The following JAZF1 variants were observed in gnomAD, a reference collection of about 807,000 sequenced individuals.
JAZF1 encodes the protein juxtaposed with another zinc finger protein 1.
A neutral mutation model predicts 26.4 loss-of-function variants in JAZF1; 8 were observed. The ratio of observed to expected loss-of-function variants is 0.30; its 90% CI spans 0.18 to 0.55. The LOEUF (loss-of-function observed/expected upper bound fraction) is 0.55. Ranked by LOEUF, JAZF1 falls within the 20% of genes least tolerant of loss-of-function variation. The probability of loss-of-function intolerance (pLI) is 0.94; values close to 1 mark genes in which losing one functional copy is unlikely to be tolerated. For missense variants in JAZF1, 199 were observed against 322.0 expected (o/e 0.62, Z 2.92); for synonymous variants, 126 against 122.3 (o/e 1.03, Z -0.20).
chr7:28,025,601 G>T (rs1562563012), intron 1 of JAZF1, among the ~76,000 whole-genome samples: 2 of 152,166 alleles, frequency 1.3e-5, no homozygotes, highest in East Asian at 1.9e-4. Context: ...TCTCAAGTTG[G>T]CAGTTAACGT....
intron 1 of JAZF1, among the ~76,000 whole-genome samples, chr7:28,069,492 C>T (rs1266728258): frequency 6.6e-6 from 1 of 152,138 alleles, no homozygotes; most frequent in Non-Finnish European, 1.5e-5. Context: ...CCTGCCTGCT[C>T]CCTAGCATTA....
intron 1 of JAZF1, among the ~76,000 whole-genome samples, chr7:28,096,930 G>C (rs1784396661): frequency 1.3e-5 from 2 of 152,192 alleles, no homozygotes; most frequent in African/African-American, 4.8e-5. Context: ...ACTAAGAACA[G>C]GTTGTGGAAA....
intron 2 of JAZF1, among the ~76,000 whole-genome samples, chr7:27,986,421 T>C (rs1281688259): frequency 6.6e-6 from 1 of 152,216 alleles, no homozygotes; most frequent in African/African-American, 2.4e-5. Context: ...GTGAAGGACC[T>C]CTTCAAGGAG....
intron 2 of JAZF1, among the ~76,000 whole-genome samples, chr7:27,988,388 T>G (rs2128364383): frequency 6.6e-6 from 1 of 151,898 alleles, no homozygotes; most frequent in East Asian, 1.9e-4. Context: ...TTTTTTTTTT[T>G]TTTTGAGACA....
intron 1 of JAZF1, among the ~76,000 whole-genome samples, chr7:28,095,705 G>A (rs1784372711): frequency 6.6e-6 from 1 of 152,110 alleles, no homozygotes; most frequent in Non-Finnish European, 1.5e-5. Flanking sequence ...GGTAATCATG[G>A]TCCCCTCCGC....
chr7:27,939,810 T>C (rs1439091236), intron 2 of JAZF1, among the ~76,000 whole-genome samples: 1 of 152,166 alleles, frequency 6.6e-6, no homozygotes, highest in Non-Finnish European at 1.5e-5. Flanking sequence ...AGAAACCCCT[T>C]CAGAATTCAG....
rs777748454 is a variant in JAZF1, at chr7:28,115,242, AAGAAAAGACAAGTG to A, written c.115+65207_115+65220del. ...ATTTCCTAGCAGCCACATTTAAGGT[AAGAAAAGACAAGTG>A]AAATTAATTTAATAATATGGTTTAA... On this transcript the variant is annotated intron_variant, in intron 1 of 4. Coordinates refer to ENST00000283928, the MANE Select transcript of JAZF1 (RefSeq NM_175061.4). 2.7e-4 allele frequency among the ~76,000 whole-genome samples: 41 copies of A among 152,372 alleles called. No homozygotes were observed. In the Middle Eastern group the frequency reaches 0.01, roughly 38 times the overall value.
chr7:28,076,149 G>T (rs747031464), intron 1 of JAZF1, among the ~76,000 whole-genome samples: 1 of 152,206 alleles, frequency 6.6e-6, no homozygotes, highest in Non-Finnish European at 1.5e-5. Flanking sequence ...GCTGAAGGCT[G>T]ACAGCTTCCG....
At chr7:27,844,636 T>C (rs936645121) in intron 3 of JAZF1, 7 of 152,176 alleles carry the variant, frequency 4.6e-5, no homozygotes, top group African/African-American at 4.8e-5. Context: ...AAACCACATA[T>C]GCAAAGAAGC....
intron 1 of JAZF1, among the ~76,000 whole-genome samples, chr7:28,039,964 T>G (rs572457872): frequency 6.6e-6 from 1 of 152,194 alleles, no homozygotes; most frequent in Non-Finnish European, 1.5e-5. Flanking sequence ...TTCTCTGGCA[T>G]TTTGGAATTT....
At chr7:27,922,059 T>G (rs901367466) in intron 2 of JAZF1, among the ~76,000 whole-genome samples, 2 of 152,194 alleles carry the variant, frequency 1.3e-5, no homozygotes, top group Non-Finnish European at 2.9e-5. Flanking sequence ...GAACTTAGTA[T>G]AAATTTTTAC....
intron 2 of JAZF1, among the ~76,000 whole-genome samples, chr7:27,960,194 T>C (rs549062716): frequency 6.6e-6 from 1 of 152,266 alleles, no homozygotes; most frequent in East Asian, 1.9e-4. Flanking sequence ...TGTGCTTATT[T>C]AATTGAATGG....
At chr7:28,016,972 G>A (rs1782905541) in intron 1 of JAZF1, among the ~76,000 whole-genome samples, 1 of 152,136 alleles carries the variant, frequency 6.6e-6, no homozygotes, top group Admixed American at 6.5e-5. Flanking sequence ...TATGTCAGAT[G>A]GTAACTTCCA....
intron 3 of JAZF1, among the ~76,000 whole-genome samples, chr7:27,866,947 A>G (rs1016946658): frequency 1.3e-5 from 2 of 152,170 alleles, no homozygotes; most frequent in Non-Finnish European, 2.9e-5. Context: ...GCAAGGTTGG[A>G]GATGGCCCAG....
chr7:28,121,843 G>A (rs934836207), intron 1 of JAZF1, among the ~76,000 whole-genome samples: 20 of 152,274 alleles, frequency 1.3e-4, no homozygotes, highest in African/African-American at 4.1e-4. Context: ...ATCTGCACCC[G>A]CAGTTTATAA....
chr7:27,983,279 G>A (rs1302125513), intron 2 of JAZF1, among the ~76,000 whole-genome samples: 1 of 152,180 alleles, frequency 6.6e-6, no homozygotes, highest in Non-Finnish European at 1.5e-5. Context: ...TGAAAACCAT[G>A]GCACGAGAAC....
intron 3 of JAZF1, among the ~76,000 whole-genome samples, chr7:27,850,741 C>T (rs1449241741): frequency 1.3e-5 from 2 of 152,058 alleles, no homozygotes; most frequent in African/African-American, 2.4e-5. Context: ...CAAAGAGCAG[C>T]CCTGGGCCTC....
intron 2 of JAZF1, among the ~76,000 whole-genome samples, chr7:27,982,984 T>C (rs949416859): frequency 1.3e-5 from 2 of 152,174 alleles, no homozygotes; most frequent in Non-Finnish European, 2.9e-5. Flanking sequence ...ACCACAAAGA[T>C]GGGGAGAAAC....
chr7:28,064,066 G>A (rs1783840872), intron 1 of JAZF1, among the ~76,000 whole-genome samples: 2 of 151,834 alleles, frequency 1.3e-5, no homozygotes, highest in Non-Finnish European at 2.9e-5. Context: ...ACAGTGATAG[G>A]TAACTGCCAA....
Sources: gnomAD v4.1 joint callset for allele counts (sites outside exome capture counted in the v4.1 genomes callset) on GRCh38, gnomAD v4.1.1 for gene constraint, MANE v1.5 for transcripts, NCBI Gene and HGNC (gene_info 2026-07-23, HGNC 2026-07-21) for gene names.